The following ABCB10 variants were observed in gnomAD, a reference collection of about 807,000 sequenced individuals.
ABCB10 encodes the protein ATP binding cassette subfamily B member 10.
Under a neutral mutation model 65.4 loss-of-function variants are expected in ABCB10, and 54 were observed. The observed-to-expected ratio is 0.83, with a 90% CI of 0.66 to 1.04. The LOEUF (loss-of-function observed/expected upper bound fraction) is 1.04, where lower values mean the gene tolerates loss of function less well. Ranked by LOEUF, ABCB10 falls within the 50% of genes least tolerant of loss-of-function variation. The pLI, the probability that ABCB10 is intolerant of heterozygous loss-of-function variation, is 0.00. For missense variants in ABCB10, 846 were observed against 976.6 expected (o/e 0.87, Z 1.78); for synonymous variants, 418 against 406.5 (o/e 1.03, Z -0.34).
chr1:229,551,973 T>A (rs980769768), intron 1 of ABCB10, among the ~76,000 whole-genome samples: 2 of 152,232 alleles, frequency 1.3e-5, no homozygotes, highest in South Asian at 4.1e-4. Context: ...TCAGTTATGA[T>A]TCTACAATAC....
intron 6 of ABCB10, among the ~76,000 whole-genome samples, chr1:229,536,833 G>GT (rs747772978): frequency 2.0e-5 from 3 of 150,426 alleles, no homozygotes; most frequent in African/African-American, 4.9e-5. Flanking sequence ...GCGCATGCCT[G>GT]TAAGTCTCAG....
chr1:229,549,134 G>A (rs903740678), intron 2 of ABCB10, 100 bp downstream of exon 2: 7 of 1,271,788 alleles, frequency 5.5e-6, no homozygotes, highest in African/African-American at 2.9e-5. Flanking sequence ...GAGAGGAAGA[G>A]AATGGAGCCT....
intron 3 of ABCB10, among the ~76,000 whole-genome samples, chr1:229,544,416 CAAAAAAAAAAAAA>C (rs35004821): frequency 6.6e-5 from 4 of 60,996 alleles, no homozygotes; most frequent in African/African-American, 7.2e-5. Context: ...GACCTTCTCT[CAAAAAAAAAAAAA>C]AAAAAAAAAA....
intron 3 of ABCB10, among the ~76,000 whole-genome samples, chr1:229,543,141 A>C (rs999698824): frequency 2.4e-4 from 37 of 151,918 alleles, no homozygotes; most frequent in Non-Finnish European, 3.7e-4. Context: ...AAAAAAAAAA[A>C]AAAAAAAAAC....
At chr1:229,541,776 C>T (rs1489691651) in intron 4 of ABCB10, among the ~76,000 whole-genome samples, 1 of 151,634 alleles carries the variant, frequency 6.6e-6, no homozygotes, top group South Asian at 2.1e-4. Flanking sequence ...CATGTCTCTA[C>T]AAAAAATTTT....
chr1:229,522,698 A>G (rs1358904066), intron 10 of ABCB10, among the ~76,000 whole-genome samples: 1 of 152,246 alleles, frequency 6.6e-6, no homozygotes, highest in African/African-American at 2.4e-5. Flanking sequence ...TCATCACTAC[A>G]CATATTTCCT....
intron 11 of ABCB10, among the ~76,000 whole-genome samples, chr1:229,520,246 G>C (rs2102799979): frequency 6.6e-6 from 1 of 152,172 alleles, no homozygotes; most frequent in Middle Eastern, 3.4e-3. Flanking sequence ...AAGGTGGGTG[G>C]ATCACTTGAG....
rs532302446 is a variant in ABCB10 at position 229,556,502 on chromosome 1, CT to C, written c.517+1633del. 3.6e-3 allele frequency among the ~76,000 whole-genome samples: 554 copies of C among 152,232 alleles called. 6 individuals carry two copies. The highest frequency in any genetic ancestry group is 0.012 in the African/African-American group (495 of 41,536). Reference sequence around the variant, plus strand: ...AAGTCTCAGCAACACAGTGAGACCCCTATCCCAGAAAAACAAAAGAAGAAAG... The same window carrying C: ...AAGTCTCAGCAACACAGTGAGACCCCATCCCAGAAAAACAAAAGAAGAAAG... On this transcript the variant is annotated intron_variant, in intron 1 of 12. Transcript: ENST00000344517.
At chr1:229,522,102 G>A (rs1027959789) in intron 10 of ABCB10, among the ~76,000 whole-genome samples, 2 of 151,294 alleles carry the variant, frequency 1.3e-5, no homozygotes, top group African/African-American at 2.4e-5. Context: ...CAAGCAATCC[G>A]CCCACCTCAG....
At chr1:229,540,560 A>G (rs763260573) in intron 5 of ABCB10, 46 bp downstream of exon 5, 4 of 1,563,328 alleles carry the variant, frequency 2.6e-6, no homozygotes, top group Non-Finnish European at 3.5e-6. Context: ...AACTCTCACC[A>G]TTCTAACATT....
chr1:229,547,436 T>A (rs1174538839), intron 3 of ABCB10, 63 bp downstream of exon 3: 2 of 1,582,122 alleles, frequency 1.3e-6, no homozygotes, highest in Admixed American at 1.7e-5. Flanking sequence ...GTCTCACACG[T>A]GAGAGGCCTG....
At chr1:229,556,227 CCGGGT>C (rs1431153737) in intron 1 of ABCB10, among the ~76,000 whole-genome samples, 1 of 152,246 alleles carries the variant, frequency 6.6e-6, no homozygotes, top group South Asian at 2.1e-4. Flanking sequence ...ACAAAATTAG[CCGGGT>C]ATGATGGCAC....
Position 229,539,466 on chromosome 1 carries a change from T to C in ABCB10, c.1329A>G (p.Ile443Met), listed in dbSNP as rs768327802. The change falls in exon 6 of 13, where the codon ATA becomes ATG. Residue 443 changes from isoleucine (I) to methionine (M), a missense_variant. Ile to Met is a conservative substitution (Grantham distance 10, BLOSUM62 1). Around this residue, in one of 2 missense-constraint regions of ABCB10, gnomAD observed 632 missense variants for 803.2 expected, o/e 0.79. Coordinates refer to ENST00000344517, the MANE Select transcript of ABCB10 (RefSeq NM_012089.3). ...SFLMYAFWVG[I>M]SIGGLSSFYS... Reference sequence around the variant, plus strand: ...ATTTAAATTATTTACCTCCAATGCTTATTCCAACCCAGAAAGCATACATTA... The same window carrying C: ...ATTTAAATTATTTACCTCCAATGCTCATTCCAACCCAGAAAGCATACATTA... 6.2e-6 allele frequency: 10 copies of C among 1,614,002 alleles called. No individual in the cohort carries two copies. The highest frequency in any genetic ancestry group is 7.6e-6 in the Non-Finnish European group (9 of 1,179,870).
At chr1:229,519,848 G>C (rs1662261789) in intron 11 of ABCB10, among the ~76,000 whole-genome samples, 1 of 151,830 alleles carries the variant, frequency 6.6e-6, no homozygotes, top group African/African-American at 2.4e-5. Flanking sequence ...GAGTAAGGCT[G>C]AGTACGGTGG....
intron 6 of ABCB10, among the ~76,000 whole-genome samples, chr1:229,535,561 T>A (rs1662700447): frequency 6.6e-6 from 1 of 152,182 alleles, no homozygotes; most frequent in South Asian, 2.1e-4. Context: ...GGGTGATGAA[T>A]AAGCAGAGCT....
intron 8 of ABCB10, among the ~76,000 whole-genome samples, chr1:229,529,908 T>A (rs1662538824): frequency 6.6e-6 from 1 of 152,068 alleles, no homozygotes; most frequent in African/African-American, 2.4e-5. Flanking sequence ...GTAGAGGGCA[T>A]GTCCAGAGGA....
intron 6 of ABCB10, among the ~76,000 whole-genome samples, chr1:229,536,460 T>C (rs1046212662): frequency 1.1e-3 from 168 of 151,234 alleles, no homozygotes; most frequent in African/African-American, 3.9e-3. Context: ...TGAGCTAGGA[T>C]TGTGCTACTG....
At chr1:229,521,486 A>C (rs1662314739) in intron 11 of ABCB10, 106 bp downstream of exon 11, 5 of 1,400,806 alleles carry the variant, frequency 3.6e-6, no homozygotes, top group Non-Finnish European at 3.9e-6. Flanking sequence ...AAAAAAAAAA[A>C]CAAAAAACAG....
chr1:229,530,291 G>C lies in ABCB10; in HGVS notation c.1553C>G (p.Pro518Arg). The change falls in exon 8 of 13, where the codon CCG (proline) becomes CGG (arginine). Residue 518 changes from proline (P) to arginine (R), a missense_variant. This residue lies in a region of ABCB10 where 632 missense variants were observed against 803.2 expected (regional missense o/e 0.79). Transcript: ENST00000344517. ...AACCAGTGCCGTGACAGATCCTGAC[G>C]GAATGGAAAGGCTGAAATCCTGAAA... is the stretch of plus-strand genomic sequence containing the variant. ...PIFQDFSLSIPSGSVTALVGP... is the reference protein window; with the variant it reads ...PIFQDFSLSIRSGSVTALVGP... The C allele has an allele frequency of 6.2e-7, 1 of 1,614,122 alleles. No individual in the cohort carries two copies. Among genetic ancestry groups the C allele is most frequent in the Non-Finnish European group, 8.5e-7 (1 of 1,180,006 alleles).
Sources: gnomAD v4.1 joint callset for allele counts (sites outside exome capture counted in the v4.1 genomes callset) on GRCh38, gnomAD v4.1.1 for gene constraint, gnomAD v4.1.1 regional missense constraint, MANE v1.5 for transcripts, NCBI Gene and HGNC (gene_info 2026-07-23, HGNC 2026-07-21) for gene names.